PTPRN2: variants seen among roughly 807,000 people sequenced by gnomAD.
The protein encoded by PTPRN2 is receptor-type tyrosine-protein phosphatase N2.
In PTPRN2, 74 loss-of-function variants were observed where a neutral mutation model predicts 118.8. The observed-to-expected ratio is 0.62, with a 90% CI of 0.52 to 0.76. The LOEUF is 0.76. Among genes scored for constraint, PTPRN2 ranks in the 30% least tolerant of loss-of-function variants. The pLI is 0.00. For synonymous variants in PTPRN2, 641 were observed against 608.0 expected (o/e 1.05, Z -0.80); for missense variants, 1,481 against 1,394.4 (o/e 1.06, Z -0.99).
intron 10 of PTPRN2, among the ~76,000 whole-genome samples, chr7:158,096,859 C>T (rs1189853678): frequency 6.6e-6 from 1 of 152,228 alleles, no homozygotes; most frequent in Non-Finnish European, 1.5e-5. Context: ...TGCCATTTAC[C>T]CAGACCCTCC....
chr7:158,069,962 G>A (rs76635858), intron 11 of PTPRN2, among the ~76,000 whole-genome samples: 3,922 of 152,316 alleles, frequency 0.026, 147 homozygotes, highest in African/African-American at 0.083. Context: ...TCAATGAGTC[G>A]TCCAAAGTCA....
At position 158,371,968 on chromosome 7, in the gene PTPRN2, G is replaced by A. The variant is rs189667843; in HGVS notation, c.164-55036C>T. On this transcript the variant is annotated intron_variant, in intron 2 of 22. Transcript: ENST00000389418. ...CACTCAGCGTCCGTCGTGGCCCCGG[G>A]GATGAGGTTCTGTGAGTCACGCCAC... Among the ~76,000 whole-genome samples, 115 of 152,346 alleles carry A rather than the reference G, an allele frequency of 7.5e-4. 2 individuals are homozygous for A. Among genetic ancestry groups the A allele is most frequent in the Admixed American group, 5.8e-3 (89 of 15,306 alleles).
intron 9 of PTPRN2, among the ~76,000 whole-genome samples, chr7:158,116,469 C>T (rs936598358): frequency 4.6e-5 from 7 of 152,322 alleles, no homozygotes; most frequent in South Asian, 2.1e-4. Context: ...TAGGAGCTAC[C>T]GCTACTCACC....
intron 2 of PTPRN2, among the ~76,000 whole-genome samples, chr7:158,480,325 C>A (rs796282111): frequency 4.0e-4 from 61 of 152,296 alleles, no homozygotes; most frequent in African/African-American, 1.4e-3. Context: ...GAACCGTGCC[C>A]ATAGAAGACA....
At position 157,801,777 on chromosome 7, in the gene PTPRN2, G is replaced by A. The variant is rs1052948798; in HGVS notation, c.1788+96896C>T. Among the ~76,000 whole-genome samples the A allele has an allele frequency of 6.6e-6, 1 of 152,176 alleles. No homozygotes were observed. The highest frequency in any genetic ancestry group is 1.5e-5 in the Non-Finnish European group (1 of 68,028). ...TGGGAAGGAAAACGCCCGCTTAGTG[G>A]AAGAACAGAACGGCCGCACAGAAAG... On this transcript the variant is annotated intron_variant, in intron 12 of 22. Coordinates refer to ENST00000389418, the MANE Select transcript of PTPRN2 (RefSeq NM_002847.5). The surrounding 1 kb of genome is among the most constrained non-coding windows in gnomAD (Gnocchi z 4.2).
At chr7:158,191,188 C>T (rs571315365) in intron 5 of PTPRN2, among the ~76,000 whole-genome samples, 1 of 152,328 alleles carries the variant, frequency 6.6e-6, no homozygotes, top group African/African-American at 2.4e-5. Context: ...TAAGTCATTT[C>T]AATGGCTCGA....
Position 157,990,494 on chromosome 7 carries a change from A to G in PTPRN2, c.1723+90804T>C, listed in dbSNP as rs528254873. Among the ~76,000 whole-genome samples, 3 of 148,044 alleles carry G rather than the reference A, an allele frequency of 2.0e-5. No individual in the cohort carries two copies. Among genetic ancestry groups the G allele is most frequent in the Non-Finnish European group, 4.5e-5 (3 of 66,788 alleles). The stretch of plus-strand genomic sequence containing the variant: ...CTCCCCAAGGCTTGGGCCACACTCC[A>G]TGCCACCATGCCCAACGGTCCCCGC... On this transcript the variant is annotated intron_variant, in intron 11 of 22. Transcript: ENST00000389418. The surrounding 1 kb of genome is among the most constrained non-coding windows in gnomAD (Gnocchi z 4.3).
At chr7:157,786,814 C>T (rs1804069412) in intron 12 of PTPRN2, among the ~76,000 whole-genome samples, 1 of 152,266 alleles carries the variant, frequency 6.6e-6, no homozygotes, top group African/African-American at 2.4e-5. Context: ...GTTTCATCAT[C>T]AGGTGGGTGG....
intron 12 of PTPRN2, among the ~76,000 whole-genome samples, chr7:157,792,518 G>C (rs1469044596): frequency 6.6e-6 from 1 of 152,236 alleles, no homozygotes; most frequent in African/African-American, 2.4e-5. Context: ...CGGGGGTGGG[G>C]ATCCCACATG....
intron 11 of PTPRN2, among the ~76,000 whole-genome samples, chr7:158,056,986 C>A (rs1167851691): frequency 6.6e-6 from 1 of 152,186 alleles, no homozygotes; most frequent in Admixed American, 6.5e-5. Context: ...ATGTGTCCAT[C>A]AAGCTTTTAA....
intron 1 of PTPRN2, among the ~76,000 whole-genome samples, chr7:158,512,234 C>T (rs1449709720): frequency 1.3e-5 from 2 of 152,210 alleles, no homozygotes; most frequent in Admixed American, 6.5e-5. Context: ...TGTCTATAAG[C>T]ACTGTGCTCT....
rs1227255079 is a variant in PTPRN2, at chr7:157,787,196, G to A, written c.1789-104259C>T. ...ACGCGGGGGTGGCTGCCCGGGACTG[G>A]CTCTTCTGGAAGCAATTCGTGGGAA... On this transcript the variant is annotated intron_variant, in intron 12 of 22. Transcript: ENST00000389418. The surrounding 1 kb of genome is among the most constrained non-coding windows in gnomAD (Gnocchi z 5.3). Among the ~76,000 whole-genome samples, 6 of 151,370 alleles carry A rather than the reference G, an allele frequency of 4.0e-5. No individual in the cohort carries two copies. In the East Asian group the frequency reaches 1.2e-3, roughly 30 times the overall value.
At chr7:157,909,209 T>G (rs1262985756) in intron 11 of PTPRN2, among the ~76,000 whole-genome samples, 1 of 152,258 alleles carries the variant, frequency 6.6e-6, no homozygotes, top group Non-Finnish European at 1.5e-5. Flanking sequence ...AATAGCTTTA[T>G]GCACATTTGA....
chr7:158,509,620 G>A lies in PTPRN2; in HGVS notation c.113-19835C>T, dbSNP rs188760607. Among the ~76,000 whole-genome samples, 15 of 152,184 alleles carry A rather than the reference G, an allele frequency of 9.9e-5. No homozygotes were observed. Among genetic ancestry groups the A allele is most frequent in the South Asian group, 4.1e-4 (2 of 4,824 alleles). Reference sequence around the variant, plus strand: ...CCCCAAAGCCCATCTGCTTTGTTCCGGGATCCCCCAGCCTCATTTCCATCT... The same window carrying A: ...CCCCAAAGCCCATCTGCTTTGTTCCAGGATCCCCCAGCCTCATTTCCATCT... On this transcript the variant is annotated intron_variant, in intron 1 of 22. Coordinates refer to ENST00000389418, the MANE Select transcript of PTPRN2 (RefSeq NM_002847.5). The surrounding 1 kb of genome is among the most constrained non-coding windows in gnomAD (Gnocchi z 4.4).
At chr7:157,588,377 C>T (rs369737130) in intron 17 of PTPRN2, among the ~76,000 whole-genome samples, 2 of 152,318 alleles carry the variant, frequency 1.3e-5, no homozygotes, top group Admixed American at 6.5e-5. Flanking sequence ...GATGGAATAT[C>T]GATGCCCGCG....
rs371392030 is a variant in PTPRN2 at position 157,834,609 on chromosome 7, G to A, written c.1788+64064C>T. Among the ~76,000 whole-genome samples, 413 of 152,214 alleles carry A rather than the reference G, an allele frequency of 2.7e-3. 9 individuals are homozygous for A. In the South Asian group the frequency reaches 0.056, roughly 21 times the overall value. On this transcript the variant is annotated intron_variant, in intron 12 of 22. Coordinates refer to ENST00000389418, the MANE Select transcript of PTPRN2 (RefSeq NM_002847.5). Reference sequence around the variant, plus strand: ...TACCAGGGGCACCCAGCGCAGCTGCGCTCACAGGGAAGTCAGGGCGAGCGG... The same window carrying A: ...TACCAGGGGCACCCAGCGCAGCTGCACTCACAGGGAAGTCAGGGCGAGCGG...
At chr7:157,628,859 A>G (rs898145128) in intron 14 of PTPRN2, among the ~76,000 whole-genome samples, 6 of 152,206 alleles carry the variant, frequency 3.9e-5, no homozygotes, top group Non-Finnish European at 7.3e-5. Flanking sequence ...GTTTAAGGAA[A>G]TACAACATGT....
intron 14 of PTPRN2, among the ~76,000 whole-genome samples, chr7:157,628,806 C>G (rs577310422): frequency 8.5e-5 from 13 of 152,316 alleles, no homozygotes; most frequent in African/African-American, 3.1e-4. Context: ...CCCTCCCACG[C>G]TCTGTGGCTG....
chr7:158,442,126 AGTGATGGTGGTG>A (rs1817380849), intron 2 of PTPRN2, among the ~76,000 whole-genome samples: 5 of 131,898 alleles, frequency 3.8e-5, no homozygotes, highest in Admixed American at 7.3e-5. Context: ...TGGTGGTGAT[AGTGATGGTGGTG>A]GCAGTGGTGG....
Sources: allele counts gnomAD v4.1 joint callset (sites outside exome capture counted in the v4.1 genomes callset), GRCh38; gene constraint gnomAD v4.1.1; non-coding constraint Gnocchi (gnomAD v3.1); transcripts MANE v1.5; gene names NCBI Gene and HGNC (gene_info 2026-07-23, HGNC 2026-07-21).